CHCHD3: variants seen among roughly 807,000 people sequenced by gnomAD.
CHCHD3 encodes MICOS complex subunit MIC19.
Under a neutral mutation model 38.2 loss-of-function variants are expected in CHCHD3, and 20 were observed. That is an observed-to-expected ratio of 0.52 (90% CI 0.37 to 0.76). The LOEUF (loss-of-function observed/expected upper bound fraction) is 0.76, where lower values mean the gene tolerates loss of function less well. CHCHD3 is among the 30% of genes least tolerant of loss of function. CHCHD3 has a pLI of 0.00. For synonymous variants in CHCHD3, 82 were observed against 100.0 expected (o/e 0.82, Z 1.07); for missense variants, 245 against 279.2 (o/e 0.88, Z 0.87).
chr7:132,902,284 G>A (rs1809688840), intron 4 of CHCHD3, among the ~76,000 whole-genome samples: 1 of 152,156 alleles, frequency 6.6e-6, no homozygotes, highest in African/African-American at 2.4e-5. Context: ...TCTAGAACTA[G>A]AAATACCATT....
intron 4 of CHCHD3, among the ~76,000 whole-genome samples, chr7:132,906,664 C>T (rs1396278594): frequency 6.8e-6 from 1 of 146,838 alleles, no homozygotes; most frequent in Non-Finnish European, 1.5e-5. Flanking sequence ...CAGATGAATA[C>T]GGCAGTAATG....
At chr7:132,920,294 A>G (rs751846152) in intron 4 of CHCHD3, among the ~76,000 whole-genome samples, 1 of 152,226 alleles carries the variant, frequency 6.6e-6, no homozygotes, top group Non-Finnish European at 1.5e-5. Flanking sequence ...AACCTATGGC[A>G]GGCAAAGCCT....
At chr7:133,070,492 T>C (rs1814788490) in intron 1 of CHCHD3, among the ~76,000 whole-genome samples, 1 of 152,236 alleles carries the variant, frequency 6.6e-6, no homozygotes, top group Non-Finnish European at 1.5e-5. Context: ...TTTTATACTA[T>C]GCACAAAATT....
intron 1 of CHCHD3, among the ~76,000 whole-genome samples, chr7:133,072,907 A>T (rs1460327108): frequency 6.6e-6 from 1 of 151,844 alleles, no homozygotes; most frequent in African/African-American, 2.4e-5. Flanking sequence ...GTAAAGCAGA[A>T]GTCATCAAGG....
chr7:133,013,206 A>AAAAAAAAAAAAAAAAG (rs35863843), intron 3 of CHCHD3, among the ~76,000 whole-genome samples: 1 of 108,734 alleles, frequency 9.2e-6, no homozygotes, highest in Non-Finnish European at 1.8e-5. Context: ...AAAAAAAAAA[A>AAAAAAAAAAAAAAAAG]CATTCAGACA....
chr7:132,845,765 C>T (rs1211419055), intron 5 of CHCHD3, among the ~76,000 whole-genome samples: 4 of 152,140 alleles, frequency 2.6e-5, no homozygotes, highest in African/African-American at 4.8e-5. Flanking sequence ...CCATGAGAAA[C>T]GCCAGATTAA....
intron 3 of CHCHD3, among the ~76,000 whole-genome samples, chr7:132,989,623 T>C (rs949962681): frequency 3.9e-5 from 6 of 152,236 alleles, no homozygotes; most frequent in East Asian, 1.9e-4. Flanking sequence ...TATTTTCTCC[T>C]ACTGCACTGA....
chr7:132,809,922 C>A (rs994401095), intron 6 of CHCHD3, among the ~76,000 whole-genome samples: 1 of 152,132 alleles, frequency 6.6e-6, no homozygotes, highest in African/African-American at 2.4e-5. Flanking sequence ...AGTGCTCAAA[C>A]AACATACGAA....
At chr7:132,829,409 G>A (rs535091249) in intron 6 of CHCHD3, among the ~76,000 whole-genome samples, 6 of 152,090 alleles carry the variant, frequency 3.9e-5, no homozygotes, top group South Asian at 2.1e-4. Flanking sequence ...TTAATGGATC[G>A]TATTGATTAA....
At chr7:133,022,822 G>A (rs1813226475) in intron 3 of CHCHD3, among the ~76,000 whole-genome samples, 1 of 144,110 alleles carries the variant, frequency 6.9e-6, no homozygotes, top group South Asian at 2.2e-4. Flanking sequence ...ATGAGCCAAG[G>A]CAGAGCAAAT....
chr7:132,987,858 A>T (rs1584624466), intron 3 of CHCHD3, among the ~76,000 whole-genome samples: 1 of 152,272 alleles, frequency 6.6e-6, no homozygotes, highest in Non-Finnish European at 1.5e-5. Flanking sequence ...AGACAGCAAG[A>T]CTAACCAACC....
rs544036507 is a variant in CHCHD3, at chr7:132,937,321, A to T, written c.369+37848T>A. Reference sequence around the variant, plus strand: ...TCTTAGGTTTAATAGCAACTCAAAAAATCCTATTTTTGGGACTGAAATACT... The same window carrying T: ...TCTTAGGTTTAATAGCAACTCAAAATATCCTATTTTTGGGACTGAAATACT... On this transcript the variant is annotated intron_variant, in intron 4 of 7. Transcript: ENST00000262570. Among the ~76,000 whole-genome samples, 306 of 152,198 alleles carry T rather than the reference A, an allele frequency of 2.0e-3. 1 individual carries two copies. Among genetic ancestry groups the T allele is most frequent in the Non-Finnish European group, 3.2e-3 (215 of 68,036 alleles).
At chr7:133,023,374 C>T (rs1006145598) in intron 3 of CHCHD3, among the ~76,000 whole-genome samples, 3 of 152,084 alleles carry the variant, frequency 2.0e-5, no homozygotes, top group Admixed American at 2.0e-4. Flanking sequence ...TTTCACAACC[C>T]TCATTTTAAA....
chr7:133,023,874 G>A (rs969211402), intron 3 of CHCHD3, among the ~76,000 whole-genome samples: 5 of 152,054 alleles, frequency 3.3e-5, no homozygotes, highest in African/African-American at 4.8e-5. Context: ...GCCAGTCCTC[G>A]AGGATGGTCG....
chr7:133,002,688 C>A (rs1812604359), intron 3 of CHCHD3, among the ~76,000 whole-genome samples: 1 of 151,854 alleles, frequency 6.6e-6, no homozygotes, highest in Admixed American at 6.6e-5. Context: ...AGAATTAACT[C>A]AGAGTGGGAG....
At chr7:132,790,530 C>T (rs1208643751) in intron 7 of CHCHD3, among the ~76,000 whole-genome samples, 1 of 152,186 alleles carries the variant, frequency 6.6e-6, no homozygotes, top group Non-Finnish European at 1.5e-5. Context: ...ACTCTAAATT[C>T]AAAGGGCTGC....
intron 7 of CHCHD3, among the ~76,000 whole-genome samples, chr7:132,787,819 A>G (rs1448491706): frequency 6.6e-6 from 1 of 152,234 alleles, no homozygotes; most frequent in Non-Finnish European, 1.5e-5. Flanking sequence ...AAGGCAGACA[A>G]ACTTAGACAT....
At chr7:132,929,300 A>ACT (rs142881955) in intron 4 of CHCHD3, among the ~76,000 whole-genome samples, 79 of 146,670 alleles carry the variant, frequency 5.4e-4, no homozygotes, top group East Asian at 1.6e-3. Flanking sequence ...TCACTTCTTG[A>ACT]CTCTCTCTCT....
At chr7:133,034,155 CTA>C (rs975391704) in intron 2 of CHCHD3, among the ~76,000 whole-genome samples, 14 of 152,130 alleles carry the variant, frequency 9.2e-5, no homozygotes, top group African/African-American at 3.1e-4. Context: ...CCATTTAAAA[CTA>C]TGTTTTATAT....
Sources: allele counts gnomAD v4.1 joint callset (sites outside exome capture counted in the v4.1 genomes callset), GRCh38; gene constraint gnomAD v4.1.1; transcripts MANE v1.5; gene names NCBI Gene and HGNC (gene_info 2026-07-23, HGNC 2026-07-21).